Variants in ANKRD39 observed in about 807,000 individuals in gnomAD.
ANKRD39 encodes ankyrin repeat domain 39, also known as ankyrin repeat domain-containing protein 39.
In ANKRD39, 18 loss-of-function variants were observed where a neutral mutation model predicts 20.3. That is an observed-to-expected ratio of 0.89 (90% CI 0.61 to 1.32). ANKRD39 has a LOEUF of 1.32. Ranked by LOEUF, ANKRD39 falls within the 40% of genes most tolerant of loss-of-function variation. The pLI is 0.00. For synonymous variants in ANKRD39, 106 were observed against 111.9 expected (o/e 0.95, Z 0.33); for missense variants, 243 against 250.7 (o/e 0.97, Z 0.21).
chr2:96,850,185 T>C (rs1235211477), intron 3 of ANKRD39, among the ~76,000 whole-genome samples: 1 of 152,192 alleles, frequency 6.6e-6, no homozygotes, highest in East Asian at 1.9e-4. Flanking sequence ...TTAACACTAG[T>C]GGCAACCACT....
chr2:96,851,187 G>A (rs182593896), intron 3 of ANKRD39, among the ~76,000 whole-genome samples: 1 of 150,820 alleles, frequency 6.6e-6, no homozygotes, highest in Non-Finnish European at 1.5e-5. Flanking sequence ...ACAGAGTTTC[G>A]CTCTTGTTGC....
intron 3 of ANKRD39, among the ~76,000 whole-genome samples, chr2:96,851,004 G>A (rs1296033549): frequency 1.3e-5 from 2 of 152,132 alleles, no homozygotes; most frequent in Non-Finnish European, 2.9e-5. Flanking sequence ...ATGTTTTTTT[G>A]GGTTTTTTTG....
intron 1 of ANKRD39, among the ~76,000 whole-genome samples, chr2:96,856,483 A>AG (rs1418473918): frequency 6.6e-6 from 1 of 152,062 alleles, no homozygotes; most frequent in Non-Finnish European, 1.5e-5. Flanking sequence ...AAAAAAAAAA[A>AG]AAAAGCAAGA....
intron 3 of ANKRD39, among the ~76,000 whole-genome samples, chr2:96,850,202 A>G (rs906709310): frequency 6.6e-6 from 1 of 152,186 alleles, no homozygotes; most frequent in African/African-American, 2.4e-5. Context: ...CACTATCCCA[A>G]ATTGGAATCC....
At position 96,857,961 on chromosome 2, in the gene ANKRD39, G is replaced by A. The variant is rs1380270664; in HGVS notation, c.27C>T (p.Asp9=). Residue 9 remains aspartate, a synonymous_variant, in exon 1 of 4, where the codon GAC becomes GAT. Coordinates refer to ENST00000393537, the MANE Select transcript of ANKRD39 (RefSeq NM_016466.6). Reference sequence around the variant, plus strand: ...CGCTGGGATGCGAGCAGCAGGGCCCGTCCGCGCAGGGCCGAGGCGTCGCCA... The same window carrying A: ...CGCTGGGATGCGAGCAGCAGGGCCCATCCGCGCAGGGCCGAGGCGTCGCCA... The part of the protein sequence containing the change: MATPRPCA[D]GPCCSHPSAV... 4.5e-6 allele frequency: 7 copies of A among 1,564,058 alleles called. No individual in the cohort carries two copies. The highest frequency in any genetic ancestry group is 2.3e-5 in the East Asian group (1 of 42,946).
intron 1 of ANKRD39, 52 bp downstream of exon 1, chr2:96,857,836 C>T: frequency 8.6e-6 from 13 of 1,519,308 alleles, no homozygotes; most frequent in Non-Finnish European, 1.1e-5. Context: ...CCCACGCCTC[C>T]TCCTTGGGCC....
intron 3 of ANKRD39, among the ~76,000 whole-genome samples, chr2:96,849,178 G>A (rs766611429): frequency 2.0e-5 from 3 of 151,782 alleles, no homozygotes; most frequent in Non-Finnish European, 4.4e-5. Context: ...TTAGAGACAG[G>A]GTCTCACTCT....
chr2:96,853,278 G>A, intron 3 of ANKRD39, 123 bp downstream of exon 3: 1 of 1,199,466 alleles, frequency 8.3e-7, no homozygotes, highest in Non-Finnish European at 1.2e-6. Context: ...GGTGAGCAAG[G>A]GAATTACAAA....
chr2:96,855,217 A>C (rs2079856942), intron 1 of ANKRD39, among the ~76,000 whole-genome samples: 1 of 152,256 alleles, frequency 6.6e-6, no homozygotes, highest in Non-Finnish European at 1.5e-5. Flanking sequence ...AACAACATTG[A>C]AGGTGTTCAC....
At chr2:96,857,813 G>T in intron 1 of ANKRD39, 75 bp downstream of exon 1, 2 of 1,450,140 alleles carry the variant, frequency 1.4e-6, no homozygotes, top group Non-Finnish European at 9.3e-7. Context: ...CCGTTCATCC[G>T]CCTCTCCTTG....
chr2:96,851,246 T>C (rs952686214), intron 3 of ANKRD39, among the ~76,000 whole-genome samples: 1 of 151,900 alleles, frequency 6.6e-6, no homozygotes, highest in African/African-American at 2.4e-5. Context: ...AACCTCTACC[T>C]CCCAGGTTCA....
chr2:96,857,960 C>T lies in ANKRD39; in HGVS notation c.28G>A (p.Gly10Arg), dbSNP rs372799678. 7.7e-6 allele frequency: 12 copies of T among 1,566,524 alleles called. 1 individual carries two copies. In the South Asian group the frequency reaches 1.0e-4, roughly 14 times the overall value. The change falls in exon 1 of 4, where the codon GGG becomes AGG. Residue 10 changes from glycine to arginine, a missense_variant. Coordinates refer to ENST00000393537, the MANE Select transcript of ANKRD39 (RefSeq NM_016466.6). Reference protein sequence around the residue: MATPRPCADGPCCSHPSAVL... With the variant: MATPRPCADRPCCSHPSAVL... ...GCGCTGGGATGCGAGCAGCAGGGCC[C>T]GTCCGCGCAGGGCCGAGGCGTCGCC...
intron 2 of ANKRD39, 103 bp downstream of exon 2, chr2:96,854,235 G>A: frequency 1.7e-6 from 2 of 1,174,756 alleles, no homozygotes. Flanking sequence ...AGAAGAAAGG[G>A]AGGGAGGAGG....
At position 96,848,151 on chromosome 2, in the gene ANKRD39, A is replaced by T; in HGVS notation, c.*150T>A. ...AAACACTTTTAGCCACACCAAATCT[A>T]CTCCCTCGCTTCCACAGTGACCAGA... On this transcript the variant is annotated 3_prime_UTR_variant, in exon 4 of 4. Coordinates refer to ENST00000393537, the MANE Select transcript of ANKRD39 (RefSeq NM_016466.6). The T allele has an allele frequency of 2.0e-6, 2 of 1,025,142 alleles. No homozygotes were observed. Among genetic ancestry groups the T allele is most frequent in the Non-Finnish European group, 2.8e-6 (2 of 719,628 alleles). The allele number at this position is 1,025,142 out of a possible 1,614,324, so 63.5% of individuals were successfully genotyped here.
chr2:96,856,768 T>C (rs1239422288), intron 1 of ANKRD39, among the ~76,000 whole-genome samples: 6 of 152,122 alleles, frequency 3.9e-5, no homozygotes, highest in African/African-American at 1.4e-4. Context: ...TCTGAGGAGA[T>C]GACATTGGAG....
chr2:96,855,618 G>A (rs1028474228), intron 1 of ANKRD39, among the ~76,000 whole-genome samples: 6 of 151,948 alleles, frequency 3.9e-5, no homozygotes, highest in African/African-American at 1.5e-4. Flanking sequence ...AGCTACTCAG[G>A]GGGCTGAGGC....
intron 1 of ANKRD39, among the ~76,000 whole-genome samples, chr2:96,855,722 CAAAA>C (rs566045028): frequency 1.1e-5 from 1 of 91,322 alleles, no homozygotes. Context: ...GACTCCGTCT[CAAAA>C]AAAAAAAAAA....
intron 3 of ANKRD39, among the ~76,000 whole-genome samples, chr2:96,852,386 CAA>C (rs1232527949): frequency 2.0e-4 from 9 of 45,682 alleles, no homozygotes; most frequent in African/African-American, 4.7e-4. Flanking sequence ...GACCCTGTCT[CAA>C]AAAAAAAAAA....
chr2:96,851,737 T>C (rs2079838750), intron 3 of ANKRD39, among the ~76,000 whole-genome samples: 1 of 152,082 alleles, frequency 6.6e-6, no homozygotes, highest in Non-Finnish European at 1.5e-5. Context: ...GAGCTCACCA[T>C]GTCTAGGGAT....
Sources: gnomAD v4.1 joint callset for allele counts (sites outside exome capture counted in the v4.1 genomes callset) on GRCh38, gnomAD v4.1.1 for gene constraint, MANE v1.5 for transcripts, NCBI Gene and HGNC (gene_info 2026-07-23, HGNC 2026-07-21) for gene names.